Variants in GCNT2 observed in about 807,000 individuals in gnomAD.
GCNT2 encodes N-acetyllactosaminide beta-1,6-N-acetylglucosaminyl-transferase.
In GCNT2, 34 loss-of-function variants were observed where a neutral mutation model predicts 34.2. That is an observed-to-expected ratio of 1.00 (90% CI 0.76 to 1.32). The LOEUF is 1.32. GCNT2 is among the 40% of genes most tolerant of loss of function. GCNT2 has a pLI of 0.00. For missense variants in GCNT2, 584 were observed against 489.4 expected (o/e 1.19, Z -1.82); for synonymous variants, 212 against 188.0 (o/e 1.13, Z -1.04).
At chr6:10,606,136 G>A (rs572396022) in intron 3 of GCNT2, among the ~76,000 whole-genome samples, 4 of 152,320 alleles carry the variant, frequency 2.6e-5, no homozygotes, top group South Asian at 2.1e-4. Context: ...CCAACTTGGC[G>A]AAACCCTGTC....
At chr6:10,613,182 A>G (rs995964114) in intron 3 of GCNT2, among the ~76,000 whole-genome samples, 20 of 152,230 alleles carry the variant, frequency 1.3e-4, no homozygotes, top group Non-Finnish European at 2.4e-4. Context: ...CGTCAAGTCA[A>G]TATAAATAAA....
At position 10,529,103 on chromosome 6, in the gene GCNT2, A is replaced by G. The variant is rs1179483484; in HGVS notation, c.192A>G (p.Ala64=). Residue 64 remains alanine, a synonymous_variant, in exon 3 of 5, where the codon GCA becomes GCG. Coordinates refer to ENST00000495262, the MANE Select transcript of GCNT2 (RefSeq NM_145649.5). ...AAGTTTTTTACCCAACAGAAAATGC[A>G]TTGAAAACTACCCTTGATGAAGCTA... ...EGKVFYPTEN[A]LKTTLDEATC... The G allele has an allele frequency of 3.1e-6, 5 of 1,614,042 alleles. 1 individual carries two copies. Among genetic ancestry groups the G allele is most frequent in the Non-Finnish European group, 4.2e-6 (5 of 1,180,004 alleles).
intron 3 of GCNT2, among the ~76,000 whole-genome samples, chr6:10,598,145 G>C (rs138598161): frequency 6.6e-6 from 1 of 152,236 alleles, no homozygotes; most frequent in Non-Finnish European, 1.5e-5. Context: ...TTTAACTCTG[G>C]AGCATGCAGT....
intron 3 of GCNT2, among the ~76,000 whole-genome samples, chr6:10,568,688 A>T (rs1581420226): frequency 6.6e-6 from 1 of 152,086 alleles, no homozygotes; most frequent in South Asian, 2.1e-4. Context: ...CCTGTTGGAG[A>T]TCCCCTCAGT....
At chr6:10,542,952 G>C (rs556743627) in intron 3 of GCNT2, among the ~76,000 whole-genome samples, 142 of 140,420 alleles carry the variant, frequency 1.0e-3, no homozygotes, top group Non-Finnish European at 1.7e-3. Context: ...TTGTTGCCCA[G>C]GCTGGAGTGC....
At chr6:10,525,676 C>A (rs1761149771) in intron 1 of GCNT2, among the ~76,000 whole-genome samples, 1 of 152,168 alleles carries the variant, frequency 6.6e-6, no homozygotes. Flanking sequence ...GTCAAAGATA[C>A]TATTTTACAG....
chr6:10,587,249 A>G (rs1342214607), intron 3 of GCNT2, among the ~76,000 whole-genome samples: 1 of 152,250 alleles, frequency 6.6e-6, no homozygotes, highest in East Asian at 1.9e-4. Context: ...GCATTCTAGA[A>G]TTTAGGAGTT....
chr6:10,546,356 AACT>A (rs1266832427), intron 3 of GCNT2, among the ~76,000 whole-genome samples: 1 of 152,078 alleles, frequency 6.6e-6, no homozygotes, highest in Non-Finnish European at 1.5e-5. Flanking sequence ...CCTAAAACTC[AACT>A]ACTAAAAACC....
rs116359677 is a variant in GCNT2 at position 10,581,565 on chromosome 6, C to T, written c.926-39786C>T. ...GATTACCGGCATGAACCACTGCACC[C>T]GGCCTCATTTATTTATTTTTGGATA... On this transcript the variant is annotated intron_variant, in intron 3 of 4. Transcript: ENST00000495262. The T allele has an allele frequency of 7.0e-3, 1,181 of 168,428 alleles. 16 individuals are homozygous for T. Among genetic ancestry groups the T allele is most frequent in the African/African-American group, 0.025 (1,038 of 41,804 alleles). 10.4% of individuals were successfully genotyped at this position (168,428 alleles called of 1,614,324 possible).
At chr6:10,625,717 C>T (rs1055024295) in intron 4 of GCNT2, among the ~76,000 whole-genome samples, 9 of 152,058 alleles carry the variant, frequency 5.9e-5, no homozygotes, top group Admixed American at 3.9e-4. Context: ...ACCGTAGGCC[C>T]CCCTTATCCA....
intron 3 of GCNT2, among the ~76,000 whole-genome samples, chr6:10,582,207 T>G (rs1235249702): frequency 8.9e-6 from 1 of 112,956 alleles, no homozygotes; most frequent in Non-Finnish European, 1.8e-5. Context: ...TATATAAAAT[T>G]TATTATATAT....
At chr6:10,562,886 T>C (rs1260685888) in intron 3 of GCNT2, among the ~76,000 whole-genome samples, 1 of 151,796 alleles carries the variant, frequency 6.6e-6, no homozygotes, top group African/African-American at 2.4e-5. Context: ...GGTGGCAGGG[T>C]GGGTTAAGGG....
chr6:10,523,268 A>C (rs1481403629), intron 1 of GCNT2, among the ~76,000 whole-genome samples: 1 of 151,960 alleles, frequency 6.6e-6, no homozygotes. Flanking sequence ...TAAAAAGAAA[A>C]TACAAAAATT....
intron 3 of GCNT2, among the ~76,000 whole-genome samples, chr6:10,571,178 A>G (rs1162136329): frequency 6.6e-6 from 1 of 152,040 alleles, no homozygotes; most frequent in East Asian, 1.9e-4. Flanking sequence ...CTCACTGCCT[A>G]TTTCTTATAA....
At chr6:10,524,821 C>G (rs1434998560) in intron 1 of GCNT2, among the ~76,000 whole-genome samples, 1 of 151,526 alleles carries the variant, frequency 6.6e-6, no homozygotes, top group African/African-American at 2.4e-5. Context: ...AAAAGCAAAA[C>G]TCTGTCCCCC....
At chr6:10,533,230 T>C (rs809479) in intron 3 of GCNT2, among the ~76,000 whole-genome samples, 89,074 of 151,444 alleles carry the variant, frequency 0.59, 26,594 homozygotes, top group South Asian at 0.71. Context: ...CACTTCAGCC[T>C]GGGAGGCGGA....
intron 3 of GCNT2, among the ~76,000 whole-genome samples, chr6:10,599,562 A>G (rs1765011257): frequency 6.6e-6 from 1 of 152,164 alleles, no homozygotes; most frequent in Admixed American, 6.5e-5. Context: ...GAGGCCATGT[A>G]CCTTCAGAGT....
intron 3 of GCNT2, among the ~76,000 whole-genome samples, chr6:10,588,052 A>T (rs1764435082): frequency 6.6e-6 from 1 of 152,262 alleles, no homozygotes; most frequent in South Asian, 2.1e-4. Flanking sequence ...GACTCAATGC[A>T]GAAAGGTCCC....
chr6:10,560,864 GTC>G (rs1026533918), intron 3 of GCNT2, among the ~76,000 whole-genome samples: 2 of 152,206 alleles, frequency 1.3e-5, no homozygotes, highest in African/African-American at 4.8e-5. Flanking sequence ...AGGGGCCCCA[GTC>G]TCTCACTCCT....
Sources: gnomAD v4.1 joint callset for allele counts (sites outside exome capture counted in the v4.1 genomes callset) on GRCh38, gnomAD v4.1.1 for gene constraint, MANE v1.5 for transcripts, NCBI Gene and HGNC (gene_info 2026-07-23, HGNC 2026-07-21) for gene names.